Variants in RASEF observed in about 807,000 individuals in gnomAD.
RASEF encodes ras and EF-hand domain-containing protein.
Under a neutral mutation model 90.1 loss-of-function variants are expected in RASEF, and 68 were observed. That is an observed-to-expected ratio of 0.75 (90% CI 0.62 to 0.92). The LOEUF is 0.92. Ranked by LOEUF, RASEF falls within the 40% of genes least tolerant of loss-of-function variation. The pLI is 0.00. For missense variants in RASEF, 949 were observed against 937.2 expected (o/e 1.01, Z -0.16); for synonymous variants, 331 against 345.2 (o/e 0.96, Z 0.46).
chr9:83,152,731 CACAT>C, the RASEF span, among the ~76,000 whole-genome samples: 1 of 92,228 alleles, frequency 1.1e-5, no homozygotes, highest in Admixed American at 1.2e-4. Context: ...CGCACAGACA[CACAT>C]ACACACACAC....
chr9:83,004,854 GT>G (rs1829100692), intron 8 of RASEF, among the ~76,000 whole-genome samples: 2 of 152,092 alleles, frequency 1.3e-5, no homozygotes, highest in Admixed American at 1.3e-4. Context: ...GAGTACTATG[GT>G]TCCCCACTTT....
the RASEF span, among the ~76,000 whole-genome samples, chr9:83,178,073 T>G: frequency 6.6e-6 from 1 of 152,284 alleles, no homozygotes; most frequent in South Asian, 2.1e-4. Context: ...TTGTTTTTTG[T>G]TGGTTTGTTT....
chr9:83,055,365 C>A (rs1007239644), intron 1 of RASEF: 12 of 466,270 alleles, frequency 2.6e-5, no homozygotes, highest in Non-Finnish European at 4.3e-5. Context: ...TGACCCCTTG[C>A]GCTTCCCAGG....
At chr9:83,047,733 T>C (rs895443159) in intron 1 of RASEF, among the ~76,000 whole-genome samples, 1 of 152,126 alleles carries the variant, frequency 6.6e-6, no homozygotes, top group Admixed American at 6.5e-5. Context: ...AACAAGAAAG[T>C]AAAGATAAAC....
rs953868523 is a variant in RASEF, at chr9:82,979,677, T to C, written c.*3000A>G. Reference sequence around the variant, plus strand: ...TTGCATTGCTATAAAAATTACACTTTATGGTATAATTATTAAGGTTTGAAG... The same window carrying C: ...TTGCATTGCTATAAAAATTACACTTCATGGTATAATTATTAAGGTTTGAAG... On this transcript the variant is annotated 3_prime_UTR_variant, in exon 17 of 17. Coordinates refer to ENST00000376447, the MANE Select transcript of RASEF (RefSeq NM_152573.4). 1 of 152,194 alleles carries C rather than the reference T, an allele frequency of 6.6e-6. No individual in the cohort carries two copies. The highest frequency in any genetic ancestry group is 1.5e-5 in the Non-Finnish European group (1 of 68,034). 9.4% of individuals were successfully genotyped at this position (152,194 alleles called of 1,614,324 possible).
chr9:83,038,540 T>C (rs1163205012), intron 1 of RASEF, among the ~76,000 whole-genome samples: 1 of 152,192 alleles, frequency 6.6e-6, no homozygotes, highest in Non-Finnish European at 1.5e-5. Context: ...CCACTAATTC[T>C]GGCATTAGAG....
intron 9 of RASEF, among the ~76,000 whole-genome samples, chr9:83,002,554 A>G (rs1339423374): frequency 6.6e-6 from 1 of 150,982 alleles, no homozygotes; most frequent in Non-Finnish European, 1.5e-5. Context: ...AACAATAACA[A>G]TGAAAATATA....
the RASEF span, among the ~76,000 whole-genome samples, chr9:83,094,761 T>A: frequency 6.6e-6 from 1 of 152,184 alleles, no homozygotes; most frequent in East Asian, 1.9e-4. Flanking sequence ...TGCTCTTGGG[T>A]TGGCACTTCC....
intron 3 of RASEF, among the ~76,000 whole-genome samples, 188 bp downstream of exon 3, chr9:83,022,148 T>G (rs1287164510): frequency 6.6e-6 from 1 of 152,192 alleles, no homozygotes; most frequent in Non-Finnish European, 1.5e-5. Context: ...CTTTGCTTAT[T>G]TATTATTTCT....
the RASEF span, among the ~76,000 whole-genome samples, chr9:83,097,123 CT>C: frequency 6.6e-6 from 1 of 152,076 alleles, no homozygotes; most frequent in Non-Finnish European, 1.5e-5. Context: ...AGCAGCATGG[CT>C]TATAATCCTT....
chr9:83,049,344 T>C (rs1829997752), intron 1 of RASEF: 2 of 985,190 alleles, frequency 2.0e-6, no homozygotes, highest in Non-Finnish European at 2.4e-6. Flanking sequence ...CCAAGCTACA[T>C]CTCCACAGTC....
chr9:83,000,868 T>A, intron 10 of RASEF, 28 bp downstream of exon 10: 1 of 1,562,012 alleles, frequency 6.4e-7, no homozygotes, highest in Non-Finnish European at 8.8e-7. Flanking sequence ...GTAGAAGGCC[T>A]AGGAGAGCAG....
chr9:83,004,426 C>A (rs1392082354), intron 9 of RASEF, 72 bp downstream of exon 9: 50 of 838,630 alleles, frequency 6.0e-5, no homozygotes, highest in Non-Finnish European at 9.0e-5. Flanking sequence ...TTTAATCCAC[C>A]TCCAAGGAAA....
chr9:83,207,598 C>CTTTTTT, the RASEF span, among the ~76,000 whole-genome samples: 74 of 85,464 alleles, frequency 8.7e-4, 2 homozygotes, highest in African/African-American at 2.2e-3. Flanking sequence ...AGGAGGGCTG[C>CTTTTTT]TTTTTTTTTT....
chr9:83,213,104 A>AG, the RASEF span, among the ~76,000 whole-genome samples: 1 of 151,886 alleles, frequency 6.6e-6, no homozygotes, highest in African/African-American at 2.4e-5. Flanking sequence ...AAAAAAAAAA[A>AG]AAAGAAAGAA....
chr9:83,000,108 G>C (rs1036658725), intron 12 of RASEF, 61 bp downstream of exon 12: 25 of 1,491,822 alleles, frequency 1.7e-5, no homozygotes, highest in Non-Finnish European at 2.2e-5. Flanking sequence ...AATCCCTGAA[G>C]AAGAGAAAAT....
chr9:83,174,080 A>G, the RASEF span, among the ~76,000 whole-genome samples: 1 of 151,758 alleles, frequency 6.6e-6, no homozygotes, highest in South Asian at 2.1e-4. Flanking sequence ...ATAATTTGAA[A>G]ATATTTTCTG....
At chr9:83,008,101 T>C (rs1054872915) in intron 6 of RASEF, among the ~76,000 whole-genome samples, 2 of 152,096 alleles carry the variant, frequency 1.3e-5, no homozygotes, top group African/African-American at 4.8e-5. Flanking sequence ...TGCTTTATGA[T>C]GGAAGCTCTG....
the RASEF span, among the ~76,000 whole-genome samples, chr9:83,091,141 A>G: frequency 6.6e-6 from 1 of 152,202 alleles, no homozygotes; most frequent in African/African-American, 2.4e-5. Flanking sequence ...AAAGAGTCTC[A>G]AGATCAACCA....
Sources: gnomAD v4.1 joint callset for allele counts (sites outside exome capture counted in the v4.1 genomes callset) on GRCh38, gnomAD v4.1.1 for gene constraint, MANE v1.5 for transcripts, NCBI Gene and HGNC (gene_info 2026-07-23, HGNC 2026-07-21) for gene names.